Variants in HMCN2 observed in about 807,000 individuals in gnomAD.
The protein encoded by HMCN2 is hemicentin-2.
Under a neutral mutation model 377.5 loss-of-function variants are expected in HMCN2, and 325 were observed. The ratio of observed to expected loss-of-function variants is 0.86; its 90% CI spans 0.79 to 0.94. The LOEUF (loss-of-function observed/expected upper bound fraction) is 0.94, where lower values mean the gene tolerates loss of function less well. Among genes scored for constraint, HMCN2 ranks in the 40% least tolerant of loss-of-function variants. The probability of loss-of-function intolerance (pLI) is 0.00; values close to 1 mark genes in which losing one functional copy is unlikely to be tolerated. For synonymous variants in HMCN2, 2,007 were observed against 2,046.8 expected (o/e 0.98, Z 0.53); for missense variants, 4,543 against 4,725.3 (o/e 0.96, Z 1.13).
chr9:130,386,470 A>G lies in HMCN2; in HGVS notation c.9337A>G (p.Lys3113Glu), dbSNP rs1842027306. Residue 3113 changes from lysine (K) to glutamate (E), a missense_variant, in exon 61 of 98, where the codon AAA becomes GAA. Lys to Glu is a moderately conservative substitution (Grantham distance 56, BLOSUM62 1). Transcript: ENST00000683500. ...ATCGGATAAAGGTTTATACAGCTGT[A>G]AAGTCAGCAACGTGGCTGGGGAGGC... ...QVSDKGLYSC[K>E]VSNVAGEAVR... is the part of the protein sequence containing the mutation. The G allele has an allele frequency of 2.3e-6, 3 of 1,303,872 alleles. No homozygotes were observed. Among genetic ancestry groups the G allele is most frequent in the Non-Finnish European group, 3.0e-6 (3 of 988,912 alleles). The allele number at this position is 1,303,872 out of a possible 1,614,324, so 80.8% of individuals were successfully genotyped here.
intron 87 of HMCN2, 121 bp from the exon 88 acceptor site, chr9:130,424,655 A>G (rs773238795): frequency 5.3e-5 from 53 of 1,006,818 alleles, no homozygotes; most frequent in Non-Finnish European, 7.1e-5. Flanking sequence ...CTGAGTATGG[A>G]CATCAAGGGA....
At chr9:130,375,355 C>T (rs1219577375) in intron 49 of HMCN2, among the ~76,000 whole-genome samples, 3 of 152,158 alleles carry the variant, frequency 2.0e-5, no homozygotes, top group South Asian at 2.1e-4. Context: ...TATTGCTTAG[C>T]GTTTGGAGAG....
In HMCN2 at chr9:130,394,218, A is replaced by T. The variant is rs1022077028; in HGVS notation, c.10502-167A>T. On this transcript the variant is annotated intron_variant, in intron 68 of 97. Coordinates refer to ENST00000683500, the MANE Select transcript of HMCN2 (RefSeq NM_001291815.2). This position sits in a 1 kb window ranked among gnomAD's most constrained non-coding sequence, Gnocchi z 5.1. ...TGGGTGGCCGGGCTTTGATTCTCCC[A>T]GGGCTGTGCTCCTGGTTTCTTTCCA... Among the ~76,000 whole-genome samples the T allele has an allele frequency of 6.6e-6, 1 of 152,104 alleles. No individual in the cohort carries two copies. Among genetic ancestry groups the T allele is most frequent in the Non-Finnish European group, 1.5e-5 (1 of 67,980 alleles).
rs1564864121 is a variant in HMCN2, at chr9:130,406,186, A to G, written c.12553+18A>G. 1.6e-6 allele frequency: 2 copies of G among 1,289,518 alleles called. No individual in the cohort carries two copies. Among genetic ancestry groups the G allele is most frequent in the Non-Finnish European group, 2.0e-6 (2 of 988,600 alleles). 79.9% of individuals were successfully genotyped at this position (1,289,518 alleles called of 1,614,324 possible). ...AGTCACAGGTCTGGGTCTGCTGGGCATGGGTGGGACAGAGAGCCAGGACAC... is the reference window on the plus strand; with the variant it reads ...AGTCACAGGTCTGGGTCTGCTGGGCGTGGGTGGGACAGAGAGCCAGGACAC... On this transcript the variant is annotated intron_variant, in intron 82 of 97. Transcript: ENST00000683500.
At chr9:130,270,922 A>G (rs782739718) in intron 1 of HMCN2, among the ~76,000 whole-genome samples, 2 of 148,722 alleles carry the variant, frequency 1.3e-5, no homozygotes, top group Non-Finnish European at 3.0e-5. Context: ...CCAGGATCCC[A>G]TCCAGGATAC....
Position 130,362,059 on chromosome 9 carries a change from A to T in HMCN2, c.6002A>T (p.Asn2001Ile). 2 of 986,156 alleles carry T rather than the reference A, an allele frequency of 2.0e-6. No individual in the cohort carries two copies. Among genetic ancestry groups the T allele is most frequent in the Non-Finnish European group, 1.2e-6 (1 of 830,188 alleles). 61.1% of individuals were successfully genotyped at this position (986,156 alleles called of 1,614,324 possible). The part of the protein sequence containing the change: ...PPSLPGPVLV[N>I]TPVRLTCNAT... ...AGCCTGCCAGGCCCTGTGTTGGTCAACACCCCTGTCCGGCTGACCTGCAAT... is the reference window on the plus strand; with the variant it reads ...AGCCTGCCAGGCCCTGTGTTGGTCATCACCCCTGTCCGGCTGACCTGCAAT... The change falls in exon 39 of 98, where the codon AAC (asparagine) becomes ATC (isoleucine). Residue 2001 changes from asparagine to isoleucine, a missense_variant. By Grantham distance (149) the Asn-to-Ile change is moderately radical. This residue lies in a region of HMCN2 where 1,032 missense variants were observed against 1,285.1 expected (regional missense o/e 0.80). Coordinates refer to ENST00000683500, the MANE Select transcript of HMCN2 (RefSeq NM_001291815.2).
In HMCN2 at chr9:130,356,218, G is replaced by A. The variant is rs1453524640; in HGVS notation, c.5386G>A (p.Ala1796Thr). The change falls in exon 34 of 98, where the codon GCG (alanine) becomes ACG (threonine). Residue 1796 changes from alanine to threonine, a missense_variant. By Grantham distance (58) the Ala-to-Thr change is moderately conservative. Around this residue, in one of 5 missense-constraint regions of HMCN2, gnomAD observed 1,032 missense variants for 1,285.1 expected, o/e 0.80. Transcript: ENST00000683500. ...CTTCGCCTGCCAGGCCACCAATGAG[G>A]CGGGCACTGCCGGGGCCGAGGTGGA... ...GLFACQATNE[A>T]GTAGAEVEVS... is the part of the protein sequence containing the mutation. The A allele has an allele frequency of 7.7e-7, 1 of 1,302,804 alleles. No individual in the cohort carries two copies. Among genetic ancestry groups the A allele is most frequent in the African/African-American group, 1.5e-5 (1 of 65,840 alleles). The allele number at this position is 1,302,804 out of a possible 1,614,324, so 80.7% of individuals were successfully genotyped here.
rs1835405641 is a variant in HMCN2 at position 130,286,237 on chromosome 9, A to C, written c.539A>C (p.Tyr180Ser). The C allele has an allele frequency of 4.2e-6, 2 of 470,976 alleles. No individual in the cohort carries two copies. Among genetic ancestry groups the C allele is most frequent in the South Asian group, 1.5e-5 (1 of 64,564 alleles). The allele number at this position is 470,976 out of a possible 1,614,324, so 29.2% of individuals were successfully genotyped here. A position where few individuals can be genotyped will look rare whatever the true frequency, so the allele number is the denominator to read the frequency against. Reference protein sequence around the residue: ...GDCGDRTHPGYLAYEEIAATS... With the variant: ...GDCGDRTHPGSLAYEEIAATS... ...TGTGGCGACCGCACCCATCCTGGCT[A>C]CCTGGCTTATGAGGAGATCGCTGCC... Residue 180 changes from tyrosine to serine, a missense_variant, in exon 4 of 98, where the codon TAC becomes TCC. This residue lies in a region of HMCN2 where 547 missense variants were observed against 189.9 expected (regional missense o/e 2.88). Coordinates refer to ENST00000683500, the MANE Select transcript of HMCN2 (RefSeq NM_001291815.2).
intron 48 of HMCN2, among the ~76,000 whole-genome samples, chr9:130,374,111 G>T (rs1841240957): frequency 6.6e-6 from 1 of 151,760 alleles, no homozygotes; most frequent in Non-Finnish European, 1.5e-5. Context: ...TGGATGGGTG[G>T]GCGGTGGGTG....
Position 130,320,469 on chromosome 9 carries a change from A to AG in HMCN2, c.2647+21dup, listed in dbSNP as rs1837783865. On this transcript the variant is annotated intron_variant, in intron 17 of 97. Transcript: ENST00000683500. ...TGGTCACGGTTCGCTGGTGGATCTG[A>AG]GGGCCGTGGGAGGTGGGAGGTGGGA... 6.6e-6 allele frequency: 1 copy of AG among 152,302 alleles called. No homozygotes were observed. The highest frequency in any genetic ancestry group is 2.4e-5 in the African/African-American group (1 of 41,404). The allele number at this position is 152,302 out of a possible 1,614,324, so 9.4% of individuals were successfully genotyped here. A position where few individuals can be genotyped will look rare whatever the true frequency, so the allele number is the denominator to read the frequency against.
chr9:130,328,688 TC>T (rs36161070), intron 22 of HMCN2, among the ~76,000 whole-genome samples: 1 of 152,158 alleles, frequency 6.6e-6, no homozygotes, highest in Non-Finnish European at 1.5e-5. Flanking sequence ...GCCCTGGAGT[TC>T]CGCAGACCCG....
At chr9:130,302,449 G>A (rs564798170) in intron 8 of HMCN2, among the ~76,000 whole-genome samples, 2 of 152,322 alleles carry the variant, frequency 1.3e-5, no homozygotes, top group South Asian at 2.1e-4. Context: ...ATACCCCTGG[G>A]GAGCCTAATC....
rs528923215 is a variant in HMCN2, at chr9:130,370,995, G to A, written c.7101G>A (p.Pro2367=). 4 of 986,088 alleles carry A rather than the reference G, an allele frequency of 4.1e-6. No individual in the cohort carries two copies. The highest frequency in any genetic ancestry group is 5.2e-4 in the Middle Eastern group (1 of 1,914). The allele number at this position is 986,088 out of a possible 1,614,324, so 61.1% of individuals were successfully genotyped here. A position where few individuals can be genotyped will look rare whatever the true frequency, so the allele number is the denominator to read the frequency against. Residue 2367 remains proline (P), a synonymous_variant, in exon 46 of 98, where the codon CCG becomes CCA. Transcript: ENST00000683500. ...VPPELIGDLD[P]LTNITAALHS... Reference sequence around the variant, plus strand: ...CAGAGCTCATTGGAGACTTGGACCCGCTGACCAACATCACTGCTGCCTTGC... The same window carrying A: ...CAGAGCTCATTGGAGACTTGGACCCACTGACCAACATCACTGCTGCCTTGC...
At chr9:130,283,966 T>C (rs1835280162) in intron 1 of HMCN2, among the ~76,000 whole-genome samples, 1 of 152,222 alleles carries the variant, frequency 6.6e-6, no homozygotes, top group Non-Finnish European at 1.5e-5. Flanking sequence ...GGTAGGTGCA[T>C]GTGTAACGTT....
At chr9:130,275,159 A>G (rs782545182) in intron 1 of HMCN2, among the ~76,000 whole-genome samples, 2 of 152,038 alleles carry the variant, frequency 1.3e-5, no homozygotes, top group Non-Finnish European at 2.9e-5. Flanking sequence ...CTAGTTTCCT[A>G]GGTGGGAGAT....
Position 130,284,668 on chromosome 9 carries a change from G to C in HMCN2, c.325G>C (p.Val109Leu), listed in dbSNP as rs1001455138. 5 of 471,002 alleles carry C rather than the reference G, an allele frequency of 1.1e-5. No homozygotes were observed. The highest frequency in any genetic ancestry group is 3.1e-5 in the South Asian group (2 of 64,574). 29.2% of individuals were successfully genotyped at this position (471,002 alleles called of 1,614,324 possible). A position where few individuals can be genotyped will look rare whatever the true frequency, so the allele number is the denominator to read the frequency against. Residue 109 changes from valine to leucine, a missense_variant, in exon 2 of 98, where the codon GTG becomes CTG. Val to Leu is a conservative substitution (Grantham distance 32). This residue lies in a region of HMCN2 where 547 missense variants were observed against 189.9 expected (regional missense o/e 2.88). Transcript: ENST00000683500. ...TCAGAGGGAGCTGAGAGAACTCTAC[G>C]TGCAGGTGGGCAGCCCCTGACCCTC... ...VFQRELRELYVQGGGDCPEMS... is the reference protein window; with the variant it reads ...VFQRELRELYLQGGGDCPEMS...
rs1236495620 is a variant in HMCN2, at chr9:130,358,439, C to T, written c.5630C>T (p.Thr1877Ile). 7.7e-7 allele frequency: 1 copy of T among 1,304,348 alleles called. No homozygotes were observed. Among genetic ancestry groups the T allele is most frequent in the South Asian group, 1.2e-5 (1 of 81,026 alleles). The allele number at this position is 1,304,348 out of a possible 1,614,324, so 80.8% of individuals were successfully genotyped here. A position where few individuals can be genotyped will look rare whatever the true frequency, so the allele number is the denominator to read the frequency against. ...GAGGGCATCTACACTTGTGCTGCTA[C>T]CAACCTGGCTGGGGAGAGCAAGAGG... ...RDEGIYTCAA[T>I]NLAGESKREV... is the part of the protein sequence containing the mutation. The change falls in exon 36 of 98, where the codon ACC becomes ATC. Residue 1877 changes from threonine (T) to isoleucine (I), a missense_variant. Transcript: ENST00000683500.
At chr9:130,338,974 G>T (rs1413282739) in intron 23 of HMCN2, among the ~76,000 whole-genome samples, 1 of 152,206 alleles carries the variant, frequency 6.6e-6, no homozygotes, top group African/African-American at 2.4e-5. Flanking sequence ...GGATGGCTTG[G>T]GCCCAGAAGT....
chr9:130,283,094 A>T (rs530959893), intron 1 of HMCN2, among the ~76,000 whole-genome samples: 3 of 152,100 alleles, frequency 2.0e-5, no homozygotes, highest in Non-Finnish European at 4.4e-5. Flanking sequence ...ATAAAATAAA[A>T]TACATAGGGT....
Sources: allele counts gnomAD v4.1 joint callset (sites outside exome capture counted in the v4.1 genomes callset), GRCh38; gene constraint gnomAD v4.1.1; regional missense constraint gnomAD v4.1.1; non-coding constraint Gnocchi (gnomAD v3.1); transcripts MANE v1.5; gene names NCBI Gene and HGNC (gene_info 2026-07-23, HGNC 2026-07-21).